The following LAMC3 variants were observed in gnomAD, a reference collection of about 807,000 sequenced individuals.
LAMC3 encodes the protein laminin subunit gamma-3.
A neutral mutation model predicts 173.8 loss-of-function variants in LAMC3; 128 were observed. The ratio of observed to expected loss-of-function variants is 0.74; its 90% CI spans 0.64 to 0.85. The LOEUF (loss-of-function observed/expected upper bound fraction) is 0.85, where lower values mean the gene tolerates loss of function less well. LAMC3 is among the 40% of genes least tolerant of loss of function. The pLI is 0.00. For missense variants in LAMC3, 2,022 were observed against 2,156.0 expected (o/e 0.94, Z 1.23); for synonymous variants, 897 against 909.1 (o/e 0.99, Z 0.24).
chr9:131,091,942 T>C lies in LAMC3; in HGVS notation c.*155T>C. 5.7e-6 allele frequency: 5 copies of C among 876,014 alleles called. No individual in the cohort carries two copies. Among genetic ancestry groups the C allele is most frequent in the South Asian group, 1.7e-5 (1 of 60,040 alleles). The allele number at this position is 876,014 out of a possible 1,614,324, so 54.3% of individuals were successfully genotyped here. ...GGATAGTCACTCCCTGCCGATTCTGTCTGTGGCTTCTTCCCTGCCAGCAGG... is the reference window on the plus strand; with the variant it reads ...GGATAGTCACTCCCTGCCGATTCTGCCTGTGGCTTCTTCCCTGCCAGCAGG... On this transcript the variant is annotated 3_prime_UTR_variant, in exon 28 of 28. Coordinates refer to ENST00000361069, the MANE Select transcript of LAMC3 (RefSeq NM_006059.4).
At chr9:131,062,642 G>T (rs1829852962) in intron 13 of LAMC3, among the ~76,000 whole-genome samples, 1 of 152,146 alleles carries the variant, frequency 6.6e-6, no homozygotes, top group South Asian at 2.1e-4. Flanking sequence ...GCTGAGGCGG[G>T]CGGATCACCT....
intron 8 of LAMC3, 34 bp downstream of exon 8, chr9:131,045,694 G>T: frequency 6.2e-7 from 1 of 1,612,730 alleles, no homozygotes; most frequent in Non-Finnish European, 8.5e-7. Flanking sequence ...CCTCCCAAGG[G>T]TCTGCTCCCA....
At chr9:131,060,929 C>A (rs376102583) in intron 12 of LAMC3, 106 bp from the exon 13 acceptor site, 265 of 1,171,182 alleles carry the variant, frequency 2.3e-4, no homozygotes, top group South Asian at 4.6e-4. Context: ...GGGAAAGGTC[C>A]CCACCCCACT....
chr9:131,056,832 G>A (rs1301706944), intron 11 of LAMC3, 97 bp from the exon 12 acceptor site: 41 of 875,480 alleles, frequency 4.7e-5, no homozygotes, highest in African/African-American at 6.6e-5. Context: ...CTTTATATAC[G>A]TGGGCCTGGT....
rs1830437162 is a variant in LAMC3 at position 131,092,011 on chromosome 9, C to G, written c.*224C>G. On this transcript the variant is annotated 3_prime_UTR_variant, in exon 28 of 28. Coordinates refer to ENST00000361069, the MANE Select transcript of LAMC3 (RefSeq NM_006059.4). The stretch of plus-strand genomic sequence containing the variant: ...GTTCACCTGGACATGAGTGCACACT[C>G]TCACCCCTGCACATGCATAAACGGG... The G allele has an allele frequency of 2.0e-5, 12 of 601,472 alleles. No homozygotes were observed. The South Asian group carries it at 2.2e-4, about 11-fold the overall frequency. 37.3% of individuals were successfully genotyped at this position (601,472 alleles called of 1,614,324 possible).
chr9:131,013,815 C>T (rs1190668359), intron 1 of LAMC3, among the ~76,000 whole-genome samples: 1 of 152,012 alleles, frequency 6.6e-6, no homozygotes, highest in Admixed American at 6.5e-5. Context: ...GAGCCGGGTC[C>T]CAGGGTGCTG....
Position 131,091,705 on chromosome 9 carries a change from A to G in LAMC3, c.4646A>G (p.Asp1549Gly). 3 of 1,611,894 alleles carry G rather than the reference A, an allele frequency of 1.9e-6. No individual in the cohort carries two copies. The South Asian group carries it at 3.3e-5, about 18-fold the overall frequency. Residue 1549 changes from aspartate (D) to glycine (G), a missense_variant, in exon 28 of 28, where the codon GAC becomes GGC. By Grantham distance (94) the Asp-to-Gly change is moderately conservative (BLOSUM62 -1). Transcript: ENST00000361069. Reference protein sequence around the residue: ...QELQIQGFESDLAEIRADKQN... With the variant: ...QELQIQGFESGLAEIRADKQN... ...CTGCAGATCCAGGGCTTCGAGAGTG[A>G]CCTCGCCGAGATCCGCGCCGACAAA...
Position 131,052,853 on chromosome 9 carries a change from G to T in LAMC3, c.1827G>T (p.Leu609=). 1 of 1,609,658 alleles carries T rather than the reference G, an allele frequency of 6.2e-7. No homozygotes were observed. Among genetic ancestry groups the T allele is most frequent in the Non-Finnish European group, 8.5e-7 (1 of 1,176,994 alleles). Residue 609 remains leucine (L), a synonymous_variant, in exon 11 of 28, where the codon CTG becomes CTT. Transcript: ENST00000361069. ...CTTTGACCGCTTCTCTCGCCAGCCT[G>T]CAGGAGACCTCCGAGGACGTGGCCC... is the stretch of plus-strand genomic sequence containing the variant. The part of the protein sequence containing the change: ...HPREVELRFH[L]QETSEDVAPP...
chr9:131,028,537 G>A lies in LAMC3; in HGVS notation c.678+1948G>A, dbSNP rs145158019. On this transcript the variant is annotated intron_variant, in intron 2 of 27. Transcript: ENST00000361069. Reference sequence around the variant, plus strand: ...AGCATGAGAACACACGGAGCCGGCCGTGTCGGGGTCCCCAGGACCACCCTT... The same window carrying A: ...AGCATGAGAACACACGGAGCCGGCCATGTCGGGGTCCCCAGGACCACCCTT... 1.6e-3 allele frequency among the ~76,000 whole-genome samples: 240 copies of A among 152,336 alleles called. 1 individual carries two copies. Among genetic ancestry groups the A allele is most frequent in the Middle Eastern group, 0.01 (3 of 294 alleles).
chr9:131,057,199 C>CG (rs1564379466), intron 12 of LAMC3, 52 bp downstream of exon 12: 1 of 1,494,286 alleles, frequency 6.7e-7, no homozygotes, highest in African/African-American at 1.4e-5. Context: ...CCCAAAACAG[C>CG]GGGATGAGTA....
rs1440724103 is a variant in LAMC3, at chr9:131,073,296, A to C, written c.3469A>C (p.Thr1157Pro). 1.2e-6 allele frequency: 2 copies of C among 1,613,862 alleles called. No individual in the cohort carries two copies. The highest frequency in any genetic ancestry group is 1.7e-6 in the Non-Finnish European group (2 of 1,179,954). ...SQPTKWSHLA[T>P]EARALARSHR... ...GCCGACCAAATGGAGCCACCTGGCCACAGAGGCCCGTGCCCTCGCCAGGAG... is the reference window on the plus strand; with the variant it reads ...GCCGACCAAATGGAGCCACCTGGCCCCAGAGGCCCGTGCCCTCGCCAGGAG... The change falls in exon 20 of 28, where the codon ACA (threonine) becomes CCA (proline). Residue 1157 changes from threonine (T) to proline (P), a missense_variant. By Grantham distance (38) the Thr-to-Pro change is conservative (BLOSUM62 -1). Coordinates refer to ENST00000361069, the MANE Select transcript of LAMC3 (RefSeq NM_006059.4).
chr9:131,039,278 A>G, intron 6 of LAMC3, 30 bp downstream of exon 6: 2 of 1,547,700 alleles, frequency 1.3e-6, no homozygotes, highest in Admixed American at 1.7e-5. Context: ...CAGTATGGAC[A>G]CATTGCACTG....
At position 131,053,651 on chromosome 9, in the gene LAMC3, G is replaced by A. The variant is rs1476887237; in HGVS notation, c.1939+686G>A. 1.3e-5 allele frequency among the ~76,000 whole-genome samples: 2 copies of A among 152,184 alleles called. 1 individual carries two copies. The highest frequency in any genetic ancestry group is 2.9e-5 in the Non-Finnish European group (2 of 68,040). ...AGTTTGAGACCAGCCTGGCCAAGATGGTGAAACCCCACCTCTACTAAAAAT... is the reference window on the plus strand; with the variant it reads ...AGTTTGAGACCAGCCTGGCCAAGATAGTGAAACCCCACCTCTACTAAAAAT... On this transcript the variant is annotated intron_variant, in intron 11 of 27. Transcript: ENST00000361069.
chr9:131,030,182 T>G (rs1392966109), intron 2 of LAMC3, among the ~76,000 whole-genome samples: 1 of 152,138 alleles, frequency 6.6e-6, no homozygotes, highest in East Asian at 1.9e-4. Context: ...TCAAGGGATC[T>G]GCCCGCCTTG....
chr9:131,071,448 C>A (rs779769744), intron 17 of LAMC3, 36 bp from the exon 18 acceptor site: 7 of 1,600,560 alleles, frequency 4.4e-6, no homozygotes, highest in Admixed American at 1.7e-5. Flanking sequence ...CTCCATGCCA[C>A]CAGCCTCATA....
At chr9:131,027,212 G>T (rs1477229862) in intron 2 of LAMC3, among the ~76,000 whole-genome samples, 4 of 152,262 alleles carry the variant, frequency 2.6e-5, no homozygotes, top group Admixed American at 6.5e-5. Flanking sequence ...TCCTTATATG[G>T]GTGTGGAAGC....
At chr9:131,023,211 G>C (rs1833658645) in intron 1 of LAMC3, among the ~76,000 whole-genome samples, 1 of 152,164 alleles carries the variant, frequency 6.6e-6, no homozygotes, top group Non-Finnish European at 1.5e-5. Flanking sequence ...CTCTTTGGCT[G>C]TTGCAAAGAA....
Position 131,079,268 on chromosome 9 carries a change from G to A in LAMC3, c.3897G>A (p.Ala1299=), listed in dbSNP as rs539911303. Residue 1299 remains alanine, a synonymous_variant, in exon 23 of 28, where the codon GCG becomes GCA. Coordinates refer to ENST00000361069, the MANE Select transcript of LAMC3 (RefSeq NM_006059.4). Reference sequence around the variant, plus strand: ...GAACCCTCCAGACTGCTGCCCAGGCGACGCTACGGCAAACAGAACCCCTCA... The same window carrying A: ...GAACCCTCCAGACTGCTGCCCAGGCAACGCTACGGCAAACAGAACCCCTCA... The part of the protein sequence containing the change: ...AARTLQTAAQ[A]TLRQTEPLTK... 5.6e-5 allele frequency: 91 copies of A among 1,614,174 alleles called. No individual in the cohort carries two copies. The South Asian group carries it at 8.3e-4, about 15-fold the overall frequency.
rs753099935 is a variant in LAMC3 at position 131,075,900 on chromosome 9, C to T, written c.3564C>T (p.Tyr1188=). The change falls in exon 21 of 28, where the codon TAC becomes TAT. Residue 1188 remains tyrosine, a synonymous_variant. Transcript: ENST00000361069. ...CCCTGCTCGCCTCCAACACCAGCTA[C>T]GCGCTTCTCTGGAATCTGCTGGAGG... ...WRALLASNTS[Y]ALLWNLLEGR... is the part of the protein sequence containing the mutation. 32 of 1,612,310 alleles carry T rather than the reference C, an allele frequency of 2.0e-5. No individual in the cohort carries two copies. Among genetic ancestry groups the T allele is most frequent in the African/African-American group, 2.7e-5 (2 of 74,890 alleles).
Sources: allele counts gnomAD v4.1 joint callset (sites outside exome capture counted in the v4.1 genomes callset), GRCh38; gene constraint gnomAD v4.1.1; transcripts MANE v1.5; gene names NCBI Gene and HGNC (gene_info 2026-07-23, HGNC 2026-07-21).